Variants in CDH13 observed in about 807,000 individuals in gnomAD.
CDH13 encodes cadherin 13.
Under a neutral mutation model 63.8 loss-of-function variants are expected in CDH13, and 24 were observed. The ratio of observed to expected loss-of-function variants is 0.38; its 90% CI spans 0.27 to 0.53. CDH13 has a LOEUF of 0.53. Ranked by LOEUF, CDH13 falls within the 20% of genes least tolerant of loss-of-function variation. CDH13 has a pLI of 0.85. For missense variants in CDH13, 1,049 were observed against 903.1 expected (o/e 1.16, Z -2.07); for synonymous variants, 503 against 355.3 (o/e 1.42, Z -4.67).
At chr16:83,693,041 C>T (rs1385427176) in intron 10 of CDH13, among the ~76,000 whole-genome samples, 1 of 152,184 alleles carries the variant, frequency 6.6e-6, no homozygotes, top group Non-Finnish European at 1.5e-5. Flanking sequence ...TGAGACTGCA[C>T]CACTACACTC....
At chr16:83,620,135 G>A (rs1469911027) in intron 8 of CDH13, among the ~76,000 whole-genome samples, 2 of 152,148 alleles carry the variant, frequency 1.3e-5, no homozygotes, top group Non-Finnish European at 2.9e-5. Flanking sequence ...GCTCACGCCT[G>A]TAATCCCAGC....
chr16:83,139,912 G>T (rs571876691), intron 4 of CDH13, among the ~76,000 whole-genome samples: 1 of 152,230 alleles, frequency 6.6e-6, no homozygotes, highest in South Asian at 2.1e-4. Flanking sequence ...TGAGGCAGGA[G>T]AATTGCTTGA....
intron 2 of CDH13, among the ~76,000 whole-genome samples, chr16:83,014,854 T>C (rs557799180): frequency 8.5e-6 from 1 of 118,096 alleles, no homozygotes; most frequent in Admixed American, 9.5e-5. Context: ...ATATATATAT[T>C]TGTATATATA....
At chr16:82,651,465 G>T (rs569125118) in intron 1 of CDH13, among the ~76,000 whole-genome samples, 1 of 152,312 alleles carries the variant, frequency 6.6e-6, no homozygotes, top group East Asian at 1.9e-4. Flanking sequence ...GCAGAACCAC[G>T]GTTTGAATCC....
At chr16:82,663,487 C>T (rs529099443) in intron 1 of CDH13, among the ~76,000 whole-genome samples, 93 of 151,926 alleles carry the variant, frequency 6.1e-4, no homozygotes, top group African/African-American at 2.1e-3. Flanking sequence ...GCCCAGCCAC[C>T]GCCACTCATT....
chr16:83,637,159 C>G (rs977723001), intron 8 of CDH13, among the ~76,000 whole-genome samples: 31 of 152,076 alleles, frequency 2.0e-4, no homozygotes, highest in African/African-American at 7.2e-4. Flanking sequence ...TTTATCCCCT[C>G]TAAAATTATT....
chr16:82,738,507 C>T (rs2033788497), intron 1 of CDH13, among the ~76,000 whole-genome samples: 1 of 152,222 alleles, frequency 6.6e-6, no homozygotes, highest in African/African-American at 2.4e-5. Flanking sequence ...TTTAGTGGCT[C>T]ACAAGCTAGT....
chr16:83,052,957 G>T (rs572494650), intron 3 of CDH13, among the ~76,000 whole-genome samples: 13 of 152,110 alleles, frequency 8.5e-5, no homozygotes, highest in African/African-American at 2.7e-4. Context: ...TTCTTTCCAC[G>T]ATAGAAGACC....
At chr16:83,226,314 C>G (rs546176565) in intron 5 of CDH13, among the ~76,000 whole-genome samples, 11 of 152,320 alleles carry the variant, frequency 7.2e-5, no homozygotes, top group African/African-American at 2.6e-4. Context: ...TTGCTTCTGA[C>G]TGATTATTTA....
At chr16:83,440,014 C>T (rs959908721) in intron 6 of CDH13, among the ~76,000 whole-genome samples, 11 of 152,074 alleles carry the variant, frequency 7.2e-5, no homozygotes, top group African/African-American at 2.2e-4. Context: ...AGAGGGTGGA[C>T]CCACGGTGTC....
intron 10 of CDH13, among the ~76,000 whole-genome samples, chr16:83,716,249 T>C (rs1191012222): frequency 6.6e-6 from 1 of 152,024 alleles, no homozygotes; most frequent in Non-Finnish European, 1.5e-5. Context: ...TCGTTACAAC[T>C]AATGAACCTA....
chr16:83,409,755 G>A (rs2092100014), intron 6 of CDH13, among the ~76,000 whole-genome samples: 1 of 152,240 alleles, frequency 6.6e-6, no homozygotes, highest in African/African-American at 2.4e-5. Flanking sequence ...GAAGTGGGAT[G>A]TTGAGTGGTA....
chr16:83,089,068 C>G (rs150374377), intron 3 of CDH13, among the ~76,000 whole-genome samples: 52 of 152,226 alleles, frequency 3.4e-4, no homozygotes, highest in African/African-American at 1.2e-3. Flanking sequence ...TTTACAGACT[C>G]CTGAGGCAGG....
chr16:83,206,651 C>G (rs1045333885), intron 4 of CDH13, among the ~76,000 whole-genome samples: 3 of 152,242 alleles, frequency 2.0e-5, no homozygotes, highest in African/African-American at 7.2e-5. Context: ...GACGTGGCCA[C>G]TGCTCCTAGG....
intron 2 of CDH13, among the ~76,000 whole-genome samples, chr16:82,879,207 T>A (rs2040608268): frequency 6.6e-6 from 1 of 151,984 alleles, no homozygotes; most frequent in Non-Finnish European, 1.5e-5. Context: ...AATGCTTGGA[T>A]TTGGATGCCA....
chr16:82,935,114 A>C (rs976862176), intron 2 of CDH13, among the ~76,000 whole-genome samples: 2 of 152,200 alleles, frequency 1.3e-5, no homozygotes, highest in African/African-American at 2.4e-5. Flanking sequence ...AAAGTGGTTT[A>C]ATTGACTCAC....
chr16:83,693,229 C>T (rs1367453904), intron 10 of CDH13, among the ~76,000 whole-genome samples: 2 of 152,136 alleles, frequency 1.3e-5, no homozygotes, highest in Admixed American at 1.3e-4. Flanking sequence ...CTCAGTGTCC[C>T]CACCTGAAAC....
intron 4 of CDH13, among the ~76,000 whole-genome samples, chr16:83,151,874 A>G (rs1432666986): frequency 6.6e-6 from 1 of 152,218 alleles, no homozygotes; most frequent in Non-Finnish European, 1.5e-5. Flanking sequence ...AGGCAGGAGA[A>G]TCACTTGAAC....
Position 83,119,399 on chromosome 16 carries a change from C to T in CDH13, c.367-5986C>T, listed in dbSNP as rs949259515. ...ATGTCCCCTAGAAATCTCTGCTTCA[C>T]GTCCAGCAGGCTCCTCAACGTCAAC... On this transcript the variant is annotated intron_variant, in intron 3 of 13. Transcript: ENST00000567109. Among the ~76,000 whole-genome samples, 10 of 152,134 alleles carry T rather than the reference C, an allele frequency of 6.6e-5. No homozygotes were observed. The South Asian group carries it at 8.3e-4, about 13-fold the overall frequency.
Sources: gnomAD v4.1 joint callset for allele counts (sites outside exome capture counted in the v4.1 genomes callset) on GRCh38, gnomAD v4.1.1 for gene constraint, MANE v1.5 for transcripts, NCBI Gene and HGNC (gene_info 2026-07-23, HGNC 2026-07-21) for gene names.